SHQ1: variants seen among roughly 807,000 people sequenced by gnomAD.
SHQ1 encodes protein SHQ1 homolog.
Under a neutral mutation model 53.8 loss-of-function variants are expected in SHQ1, and 49 were observed. The observed-to-expected ratio is 0.91, with a 90% confidence interval of 0.72 to 1.16. The LOEUF (loss-of-function observed/expected upper bound fraction) is 1.16, where lower values mean the gene tolerates loss of function less well. Ranked by LOEUF, SHQ1 falls within the 50% of genes most tolerant of loss-of-function variation. SHQ1 has a pLI of 0.00. For synonymous variants in SHQ1, 243 were observed against 251.0 expected (o/e 0.97, Z 0.30); for missense variants, 738 against 683.1 (o/e 1.08, Z -0.90).
In SHQ1 at chr3:72,848,212, C is replaced by T. The variant is rs755539665; in HGVS notation, c.129G>A (p.Lys43=). The T allele has an allele frequency of 3.1e-6, 5 of 1,614,200 alleles. No individual in the cohort carries two copies. In the South Asian group the frequency reaches 4.4e-5, roughly 14 times the overall value. Residue 43 remains lysine (K), a synonymous_variant, in exon 1 of 11, where the codon AAG becomes AAA. Coordinates refer to ENST00000325599, the MANE Select transcript of SHQ1 (RefSeq NM_018130.3). ...FEGSDFKFYA[K]PYFLRLTLPG... ...CCCGAACTCGCCTGAGAAAGTATGGCTTGGCGTAGAACTTGAAGTCAGACC... is the reference window on the plus strand; with the variant it reads ...CCCGAACTCGCCTGAGAAAGTATGGTTTGGCGTAGAACTTGAAGTCAGACC...
At chr3:72,785,248 T>C (rs1428929752) in intron 10 of SHQ1, among the ~76,000 whole-genome samples, 3 of 152,218 alleles carry the variant, frequency 2.0e-5, no homozygotes, top group Admixed American at 2.0e-4. Context: ...TATCCAGCTG[T>C]ACTCTTGAAT....
At chr3:72,792,808 A>C (rs1030313234) in intron 10 of SHQ1, 108 bp downstream of exon 10, 19 of 813,976 alleles carry the variant, frequency 2.3e-5, no homozygotes, top group African/African-American at 2.1e-4. Context: ...AAAAAAAAAA[A>C]AAACACAACT....
At chr3:72,847,917 G>A (rs1708400069) in intron 1 of SHQ1, among the ~76,000 whole-genome samples, 1 of 152,132 alleles carries the variant, frequency 6.6e-6, no homozygotes, top group Non-Finnish European at 1.5e-5. Flanking sequence ...TAGGGCGACA[G>A]GGCAGAAACG....
rs1705348245 is a variant in SHQ1 at position 72,750,710 on chromosome 3, T to C, written c.1308A>G (p.Leu436=). 6.3e-7 allele frequency: 1 copy of C among 1,576,188 alleles called. No homozygotes were observed. The highest frequency in any genetic ancestry group is 1.1e-5 in the South Asian group (1 of 87,288). The change falls in exon 11 of 11, where the codon TTA becomes TTG. Residue 436 remains leucine, a synonymous_variant. Coordinates refer to ENST00000325599, the MANE Select transcript of SHQ1 (RefSeq NM_018130.3). ...GCCCAGAAACTGAATGGGCTGCTTT[T>C]AATGCAGTTTCTTCCTCCTGGACAA... ...ALLVQEEETA[L]KAAHSVSGQQ...
chr3:72,809,281 A>G (rs190212668), intron 9 of SHQ1, among the ~76,000 whole-genome samples: 2 of 152,338 alleles, frequency 1.3e-5, no homozygotes, highest in Non-Finnish European at 2.9e-5. Flanking sequence ...AATGAAGTTC[A>G]AAGTGGACAT....
chr3:72,747,972 G>C (rs965701350), downstream of SHQ1, among the ~76,000 whole-genome samples: 5 of 150,760 alleles, frequency 3.3e-5, no homozygotes, highest in Non-Finnish European at 5.9e-5. Context: ...CTGAGTGACA[G>C]AACAAGACTG....
chr3:72,725,489 C>T, the SHQ1 span, among the ~76,000 whole-genome samples: 2 of 152,282 alleles, frequency 1.3e-5, no homozygotes, highest in East Asian at 3.9e-4. Context: ...CTCAGAGAGG[C>T]CTTTCCCAAC....
intron 2 of SHQ1, among the ~76,000 whole-genome samples, chr3:72,843,323 A>C (rs1034694626): frequency 6.6e-6 from 1 of 152,190 alleles, no homozygotes; most frequent in Admixed American, 6.5e-5. Flanking sequence ...AGAATCTTAG[A>C]TACAACAATT....
Position 72,749,342 on chromosome 3 carries a change from C to T in SHQ1, c.*942G>A, listed in dbSNP as rs1575671055. 15 of 229,650 alleles carry T rather than the reference C, an allele frequency of 6.5e-5. No homozygotes were observed. In the East Asian group the frequency reaches 9.3e-4, roughly 14 times the overall value. The allele number at this position is 229,650 out of a possible 1,614,324, so 14.2% of individuals were successfully genotyped here. A position where few individuals can be genotyped will look rare whatever the true frequency, so the allele number is the denominator to read the frequency against. On this transcript the variant is annotated 3_prime_UTR_variant, in exon 11 of 11. Transcript: ENST00000325599. ...CCAAACTGGAAACAACCCAGGTGTC[C>T]ATCGATAGGTCAATGAACAAATCTA... is the stretch of plus-strand genomic sequence containing the variant.
chr3:72,812,870 G>A, intron 8 of SHQ1, 76 bp from the exon 9 acceptor site: 1 of 1,523,104 alleles, frequency 6.6e-7, no homozygotes, highest in Non-Finnish European at 9.0e-7. Context: ...GAAATAGGAA[G>A]CTTTTCTCAT....
chr3:72,816,254 G>A (rs531755694), intron 7 of SHQ1, among the ~76,000 whole-genome samples: 35 of 152,124 alleles, frequency 2.3e-4, no homozygotes, highest in African/African-American at 8.2e-4. Context: ...TAGGACCTAA[G>A]GTAAATACAC....
chr3:72,840,123 G>A (rs1219882578), intron 4 of SHQ1, among the ~76,000 whole-genome samples: 1 of 150,626 alleles, frequency 6.6e-6, no homozygotes, highest in Non-Finnish European at 1.5e-5. Flanking sequence ...GTGGTGATGG[G>A]CGCCTGTAAT....
intron 4 of SHQ1, among the ~76,000 whole-genome samples, chr3:72,838,484 A>C (rs909213697): frequency 1.3e-5 from 2 of 152,164 alleles, no homozygotes; most frequent in Non-Finnish European, 2.9e-5. Flanking sequence ...TAAACATTAA[A>C]TTCAGTGGTT....
downstream of SHQ1, among the ~76,000 whole-genome samples, chr3:72,745,220 A>G (rs941421577): frequency 6.6e-6 from 1 of 152,062 alleles, no homozygotes; most frequent in Non-Finnish European, 1.5e-5. Context: ...CTTGGTATTA[A>G]TAATAGAATT....
intron 10 of SHQ1, among the ~76,000 whole-genome samples, chr3:72,790,209 A>G (rs1182351544): frequency 6.6e-6 from 1 of 152,222 alleles, no homozygotes; most frequent in Non-Finnish European, 1.5e-5. Context: ...CAAGACACAG[A>G]TATCATAGGG....
At chr3:72,734,976 T>C in the SHQ1 span, among the ~76,000 whole-genome samples, 1 of 151,550 alleles carries the variant, frequency 6.6e-6, no homozygotes, top group Admixed American at 6.6e-5. Flanking sequence ...GTGCCAGGCG[T>C]GGATTTCTCA....
chr3:72,822,057 C>T (rs971960213), intron 6 of SHQ1, among the ~76,000 whole-genome samples: 2 of 152,184 alleles, frequency 1.3e-5, no homozygotes, highest in African/African-American at 2.4e-5. Flanking sequence ...TTAAATACAT[C>T]GTTTCATTCA....
chr3:72,726,006 A>G, the SHQ1 span, among the ~76,000 whole-genome samples: 15 of 152,326 alleles, frequency 9.8e-5, no homozygotes, highest in African/African-American at 3.4e-4. Flanking sequence ...GGGGTGATGC[A>G]GCTATAGTCC....
intron 10 of SHQ1, among the ~76,000 whole-genome samples, chr3:72,789,081 T>TAAAAAAAAAAAAAAAAAAAAA (rs1205170855): frequency 1.6e-5 from 1 of 61,692 alleles, no homozygotes; most frequent in African/African-American, 6.3e-5. Context: ...CAATAAACAC[T>TAAAAAAAAAAAAAAAAAAAAA]AAAAAAAAAA....
Sources: allele counts gnomAD v4.1 joint callset (sites outside exome capture counted in the v4.1 genomes callset), GRCh38; gene constraint gnomAD v4.1.1; transcripts MANE v1.5; gene names NCBI Gene and HGNC (gene_info 2026-07-23, HGNC 2026-07-21).